Variants in MAP4 observed in about 807,000 individuals in gnomAD.
MAP4 encodes microtubule-associated protein 4.
MAP4 carries 76 observed loss-of-function variants against 170.2 expected under a neutral mutation model. That is an observed-to-expected ratio of 0.45 (90% CI 0.37 to 0.54). The LOEUF is 0.54. Ranked by LOEUF, MAP4 falls within the 20% of genes least tolerant of loss-of-function variation. The pLI is 0.00. For synonymous variants in MAP4, 909 were observed against 994.5 expected (o/e 0.91, Z 1.62); for missense variants, 2,506 against 2,748.0 (o/e 0.91, Z 1.97).
At chr3:47,930,925 T>C (rs1237358443) in intron 3 of MAP4, among the ~76,000 whole-genome samples, 1 of 143,698 alleles carries the variant, frequency 7.0e-6, no homozygotes, top group Non-Finnish European at 1.5e-5. Context: ...CGAGACTCTG[T>C]CTAAAAAAAA....
chr3:47,993,583 G>A (rs531515752), intron 2 of MAP4, among the ~76,000 whole-genome samples: 1 of 152,350 alleles, frequency 6.6e-6, no homozygotes, highest in Non-Finnish European at 1.5e-5. Context: ...GAGCTGCAAA[G>A]AGCAGAGCTT....
At position 47,909,289 on chromosome 3, in the gene MAP4, G is replaced by A. The variant is rs1329693776; in HGVS notation, c.5132C>T (p.Thr1711Met). ...CTTGGAAGCAGTCATTATTACTAAC[G>A]TATCCGCCACCTCTGAAGGAGGAGC... ...VEAPPSEVAD[T>M]LVIMTASKGV... Residue 1711 changes from threonine (T) to methionine (M), a missense_variant, in exon 9 of 21, where the codon ACG (threonine) becomes ATG (methionine). Transcript: ENST00000683076. 6.2e-6 allele frequency: 10 copies of A among 1,613,798 alleles called. No individual in the cohort carries two copies. The highest frequency in any genetic ancestry group is 3.3e-5 in the Admixed American group (2 of 60,018).
intron 1 of MAP4, among the ~76,000 whole-genome samples, chr3:48,035,285 T>C (rs375531748): frequency 7.3e-6 from 1 of 136,772 alleles, no homozygotes; most frequent in South Asian, 2.3e-4. Context: ...TGACAAAATA[T>C]TAAAATTGAA....
intron 4 of MAP4, among the ~76,000 whole-genome samples, chr3:47,924,972 G>A (rs2100044982): frequency 6.6e-6 from 1 of 152,110 alleles, no homozygotes; most frequent in Admixed American, 6.6e-5. Context: ...CACCACACCT[G>A]GCTAATTTTT....
intron 10 of MAP4, among the ~76,000 whole-genome samples, chr3:47,877,956 T>A (rs1416227570): frequency 6.6e-6 from 1 of 152,184 alleles, no homozygotes; most frequent in East Asian, 1.9e-4. Context: ...TCCCTTTCCT[T>A]CCTTTCCCTA....
intron 1 of MAP4, among the ~76,000 whole-genome samples, chr3:48,055,438 G>A (rs1334159169): frequency 1.3e-5 from 2 of 151,464 alleles, no homozygotes; most frequent in East Asian, 2.0e-4. Flanking sequence ...GCCCCTAACC[G>A]CGAGTGATCC....
At chr3:48,057,613 AT>A (rs1178389797) in intron 1 of MAP4, among the ~76,000 whole-genome samples, 2 of 141,390 alleles carry the variant, frequency 1.4e-5, no homozygotes, top group Admixed American at 7.0e-5. Flanking sequence ...CAATAAAAAA[AT>A]AAATAAATAA....
chr3:47,857,486 G>A lies in MAP4; in HGVS notation c.6528C>T (p.Asp2176=). The A allele has an allele frequency of 6.2e-7, 1 of 1,613,802 alleles. No homozygotes were observed. The highest frequency in any genetic ancestry group is 1.1e-5 in the South Asian group (1 of 91,068). ...CACACTTGGAGGAGACCTTAGAGAT[G>A]TCCACTTTCTTGTTCTGAATCTGAA... ...GNVQIQNKKV[D]ISKVSSKCGS... is the part of the protein sequence containing the mutation. The change falls in exon 18 of 21, where the codon GAC becomes GAT. Residue 2176 remains aspartate (D), a synonymous_variant. Transcript: ENST00000683076.
intron 10 of MAP4, among the ~76,000 whole-genome samples, chr3:47,883,179 C>T (rs2097053922): frequency 6.6e-6 from 1 of 152,100 alleles, no homozygotes; most frequent in Non-Finnish European, 1.5e-5. Context: ...ACAATTTGTG[C>T]TTCAAATATG....
chr3:48,073,441 G>A (rs1195692386), intron 1 of MAP4, among the ~76,000 whole-genome samples: 7 of 151,286 alleles, frequency 4.6e-5, no homozygotes, highest in African/African-American at 1.7e-4. Flanking sequence ...GAGAAACCCC[G>A]ACTCTACTAA....
chr3:48,065,737 A>G (rs2100138013), intron 1 of MAP4, among the ~76,000 whole-genome samples: 1 of 152,222 alleles, frequency 6.6e-6, no homozygotes, highest in African/African-American at 2.4e-5. Context: ...TGAGGAAATA[A>G]AAAACTAGTG....
chr3:47,968,651 T>C (rs1252779999), intron 3 of MAP4, among the ~76,000 whole-genome samples: 3 of 151,198 alleles, frequency 2.0e-5, no homozygotes, highest in Admixed American at 6.6e-5. Flanking sequence ...AAAATAAAAA[T>C]CACCAATCAC....
chr3:48,035,829 A>G (rs2100118509), intron 1 of MAP4, among the ~76,000 whole-genome samples: 1 of 151,968 alleles, frequency 6.6e-6, no homozygotes, highest in South Asian at 2.1e-4. Context: ...AATCCCAGCT[A>G]CTCGGGAGGC....
At chr3:48,020,091 A>T (rs1188830669), upstream of MAP4, among the ~76,000 whole-genome samples, 1 of 152,032 alleles carries the variant, frequency 6.6e-6, no homozygotes, top group Non-Finnish European at 1.5e-5. Flanking sequence ...TCACCATGTT[A>T]GTCAGGCTGG....
intron 1 of MAP4, among the ~76,000 whole-genome samples, chr3:48,029,913 G>A (rs781664664): frequency 9.3e-5 from 14 of 149,988 alleles, no homozygotes; most frequent in Non-Finnish European, 1.6e-4. Context: ...TAGGGAAATC[G>A]CTTGAACCCA....
intron 10 of MAP4, chr3:47,891,726 T>G (rs1297595299): frequency 6.5e-7 from 1 of 1,536,652 alleles, no homozygotes; most frequent in Non-Finnish European, 8.7e-7. Flanking sequence ...GTGAACACCA[T>G]AGTGATTGGC....
rs765603391 is a variant in MAP4, at chr3:47,872,016, T to C, written c.5842A>G (p.Ser1948Gly). The C allele has an allele frequency of 9.3e-6, 15 of 1,613,916 alleles. No homozygotes were observed. The highest frequency in any genetic ancestry group is 1.3e-5 in the Non-Finnish European group (15 of 1,179,994). Residue 1948 changes from serine to glycine, a missense_variant, in exon 13 of 21, where the codon AGC becomes GGC. Physicochemically the swap from Ser to Gly is moderately conservative, Grantham distance 56. This residue lies in a region of MAP4 where 487 missense variants were observed against 511.6 expected (regional missense o/e 0.95). Transcript: ENST00000683076. ...SAPASRSGSK[S>G]TQTVAKTTTA... is the part of the protein sequence containing the mutation. ...GTGGTTTTTGCAACAGTCTGAGTGC[T>C]CTTGGACCCAGATCTGGAGGCTGGG...
rs2100139856 is a variant in MAP4, at chr3:48,069,284, C to A, written c.-20+19489G>T. Among the ~76,000 whole-genome samples, 5 of 152,154 alleles carry A rather than the reference C, an allele frequency of 3.3e-5. No homozygotes were observed. In the South Asian group the frequency reaches 1.0e-3, roughly 32 times the overall value. On this transcript the variant is annotated intron_variant, in intron 1 of 18. Transcript: ENST00000360240. ...ACAAAAATTATTTTCTGATTTGTATCACTAGACAGTGTCTTACTAGCATTC... is the reference window on the plus strand; with the variant it reads ...ACAAAAATTATTTTCTGATTTGTATAACTAGACAGTGTCTTACTAGCATTC...
At chr3:47,930,125 C>A (rs574360893) in intron 3 of MAP4, among the ~76,000 whole-genome samples, 2 of 151,048 alleles carry the variant, frequency 1.3e-5, no homozygotes, top group African/African-American at 2.4e-5. Context: ...AGTGAGACTG[C>A]GTCTCAAAAA....
Sources: gnomAD v4.1 joint callset for allele counts (sites outside exome capture counted in the v4.1 genomes callset) on GRCh38, gnomAD v4.1.1 for gene constraint, gnomAD v4.1.1 regional missense constraint, MANE v1.5 for transcripts, NCBI Gene and HGNC (gene_info 2026-07-23, HGNC 2026-07-21) for gene names.